Variants in MKNK1 observed in about 807,000 individuals in gnomAD.
MKNK1 encodes MAP kinase-interacting serine/threonine-protein kinase 1.
Under a neutral mutation model 49.3 loss-of-function variants are expected in MKNK1, and 30 were observed. The ratio of observed to expected loss-of-function variants is 0.61; its 90% CI spans 0.46 to 0.83. MKNK1 has a LOEUF of 0.83. MKNK1 is among the 40% of genes least tolerant of loss of function. MKNK1 has a pLI of 0.00. For missense variants in MKNK1, 423 were observed against 524.7 expected, an observed-to-expected ratio of 0.81 and a Z score of 1.89; for synonymous variants, 176 against 201.7, an observed-to-expected ratio of 0.87 and a Z score of 1.08.
intron 1 of MKNK1, chr1:46,594,996 G>GT (rs1372998869): frequency 4.8e-6 from 1 of 207,028 alleles, no homozygotes; most frequent in African/African-American, 2.4e-5. Flanking sequence ...TGCTATCCAC[G>GT]TTTTTAGAGA....
chr1:46,590,981 A>G (rs1333397407), intron 2 of MKNK1, among the ~76,000 whole-genome samples: 1 of 152,206 alleles, frequency 6.6e-6, no homozygotes, highest in African/African-American at 2.4e-5. Context: ...TTGTCATCTT[A>G]TGAAAGATGA....
intron 2 of MKNK1, among the ~76,000 whole-genome samples, chr1:46,588,973 A>C (rs529750592): frequency 6.6e-6 from 1 of 152,368 alleles, no homozygotes; most frequent in African/African-American, 2.4e-5. Flanking sequence ...ATATGAAATG[A>C]GGTAAGCAGA....
chr1:46,602,446 TTTG>T lies in MKNK1; in HGVS notation c.-171+1736_-171+1738del, dbSNP rs1674858311. ...GGAGAAACAGAGACAACTAGTTTAT[TTTG>T]ACTGAAGCACAGGTTGCAGGTTTGG... On this transcript the variant is annotated intron_variant, in intron 1 of 12. Coordinates refer to ENST00000371945, the MANE Select transcript of MKNK1 (RefSeq NM_001135553.4). Among the ~76,000 whole-genome samples the T allele has an allele frequency of 3.3e-5, 5 of 152,160 alleles. No individual in the cohort carries two copies. In the South Asian group the frequency reaches 1.0e-3, roughly 32 times the overall value.
At chr1:46,564,462 T>A (rs1668651149) in intron 9 of MKNK1, among the ~76,000 whole-genome samples, 1 of 114,464 alleles carries the variant, frequency 8.7e-6, no homozygotes, top group Non-Finnish European at 1.8e-5. Flanking sequence ...GTGTTTTTTT[T>A]ATTGTTTTTT....
At chr1:46,566,488 T>A (rs1275402952) in intron 8 of MKNK1, among the ~76,000 whole-genome samples, 1 of 152,208 alleles carries the variant, frequency 6.6e-6, no homozygotes, top group Non-Finnish European at 1.5e-5. Flanking sequence ...TGTTTTCAAT[T>A]GTTTTGGGTA....
At chr1:46,567,859 G>A (rs1158112105) in intron 8 of MKNK1, among the ~76,000 whole-genome samples, 4 of 152,226 alleles carry the variant, frequency 2.6e-5, no homozygotes, top group Admixed American at 6.5e-5. Flanking sequence ...GGTGGCTCAC[G>A]TTTGCAATCC....
At chr1:46,577,281 C>T (rs1437285073) in intron 4 of MKNK1, among the ~76,000 whole-genome samples, 1 of 152,124 alleles carries the variant, frequency 6.6e-6, no homozygotes, top group African/African-American at 2.4e-5. Flanking sequence ...GAGTTCTAGA[C>T]CAGCCTGGCC....
intron 2 of MKNK1, among the ~76,000 whole-genome samples, chr1:46,588,407 A>T (rs999353749): frequency 3.9e-5 from 6 of 152,248 alleles, no homozygotes; most frequent in African/African-American, 1.4e-4. Flanking sequence ...TCTGTATTAA[A>T]ATTCAACATT....
At chr1:46,582,548 GA>G (rs1288066530) in intron 3 of MKNK1, among the ~76,000 whole-genome samples, 12 of 152,182 alleles carry the variant, frequency 7.9e-5, no homozygotes, top group Non-Finnish European at 1.6e-4. Context: ...CACAACGAAA[GA>G]AAACAAAACA....
chr1:46,590,086 T>C lies in MKNK1; in HGVS notation c.-3+4027A>G, dbSNP rs150823583. On this transcript the variant is annotated intron_variant, in intron 2 of 12. Transcript: ENST00000371945. ...CCACAAGAGCTTTCTTGAGAAGAAATAGTGGTGAGAGCAAGCAGAGAAGTG... is the reference window on the plus strand; with the variant it reads ...CCACAAGAGCTTTCTTGAGAAGAAACAGTGGTGAGAGCAAGCAGAGAAGTG... 7.9e-3 allele frequency among the ~76,000 whole-genome samples: 1,196 copies of C among 152,184 alleles called. 14 individuals carry two copies. The highest frequency in any genetic ancestry group is 0.027 in the African/African-American group (1,138 of 41,496).
At chr1:46,594,520 A>G (rs903356251) in intron 1 of MKNK1, among the ~76,000 whole-genome samples, 1 of 152,204 alleles carries the variant, frequency 6.6e-6, no homozygotes, top group Non-Finnish European at 1.5e-5. Flanking sequence ...TTATTTGGGA[A>G]GGGGTGGCTT....
At chr1:46,595,776 G>A (rs1397010091) in intron 1 of MKNK1, among the ~76,000 whole-genome samples, 1 of 152,202 alleles carries the variant, frequency 6.6e-6, no homozygotes, top group Non-Finnish European at 1.5e-5. Context: ...TCCAACGACA[G>A]GATCTGGCTC....
chr1:46,591,434 A>T (rs1240845094), intron 2 of MKNK1, among the ~76,000 whole-genome samples: 2 of 151,976 alleles, frequency 1.3e-5, no homozygotes, highest in East Asian at 3.9e-4. Flanking sequence ...TCCATCTTCT[A>T]CCTCTGTTCT....
At chr1:46,565,349 GA>G in intron 8 of MKNK1, 1 of 569,768 alleles carries the variant, frequency 1.8e-6, no homozygotes, top group Non-Finnish European at 3.2e-6. Flanking sequence ...CCATCTAAGG[GA>G]AAAATGGGTG....
At chr1:46,575,566 T>G (rs1198446333) in intron 5 of MKNK1, 1 of 152,628 alleles carries the variant, frequency 6.6e-6, no homozygotes, top group African/African-American at 2.4e-5. Context: ...TCCTGGCCAC[T>G]GTAGCACTTG....
intron 1 of MKNK1, among the ~76,000 whole-genome samples, chr1:46,596,370 T>TA (rs1233357850): frequency 6.6e-6 from 1 of 152,168 alleles, no homozygotes; most frequent in Non-Finnish European, 1.5e-5. Context: ...CATAAAAATG[T>TA]AAAAAGTACA....
At chr1:46,571,916 A>T in intron 7 of MKNK1, 147 bp downstream of exon 7, 1 of 684,184 alleles carries the variant, frequency 1.5e-6, no homozygotes, top group Non-Finnish European at 2.5e-6. Context: ...TTTCTCCCTC[A>T]ACTCCCATGG....
chr1:46,568,400 C>T (rs537861288), intron 8 of MKNK1, 43 bp downstream of exon 8: 17 of 1,597,008 alleles, frequency 1.1e-5, no homozygotes, highest in South Asian at 1.0e-4. Context: ...GTGGCTTCCT[C>T]GGTAAGTATA....
rs116785890 is a variant in MKNK1, at chr1:46,596,852, C to T, written c.-170-2572G>A. Among the ~76,000 whole-genome samples, 833 of 152,216 alleles carry T rather than the reference C, an allele frequency of 5.5e-3. 9 individuals are homozygous for T. Among genetic ancestry groups the T allele is most frequent in the African/African-American group, 0.019 (803 of 41,524 alleles). On this transcript the variant is annotated intron_variant, in intron 1 of 12. Coordinates refer to ENST00000371945, the MANE Select transcript of MKNK1 (RefSeq NM_001135553.4). ...AGCCAATCTGTGAACCACAGTTGGC[C>T]GCAGGAGGGAATAAACTGACAGCAA...
Sources: allele counts gnomAD v4.1 joint callset (sites outside exome capture counted in the v4.1 genomes callset), GRCh38; gene constraint gnomAD v4.1.1; transcripts MANE v1.5; gene names NCBI Gene and HGNC (gene_info 2026-07-23, HGNC 2026-07-21).